The following PIP5K1B variants were observed in gnomAD, a reference collection of about 807,000 sequenced individuals.
PIP5K1B encodes the protein phosphatidylinositol 4-phosphate 5-kinase type-1 beta.
PIP5K1B carries 42 observed loss-of-function variants against 67.0 expected under a neutral mutation model. The ratio of observed to expected loss-of-function variants is 0.63; its 90% CI spans 0.49 to 0.81. The LOEUF (loss-of-function observed/expected upper bound fraction) is 0.81, where lower values mean the gene tolerates loss of function less well. Among genes scored for constraint, PIP5K1B ranks in the 30% least tolerant of loss-of-function variants. The probability of loss-of-function intolerance (pLI) is 0.00; values close to 1 mark genes in which losing one functional copy is unlikely to be tolerated. For missense variants in PIP5K1B, 459 were observed against 646.3 expected (o/e 0.71, Z 3.14); for synonymous variants, 214 against 231.4 (o/e 0.92, Z 0.68).
chr9:68,856,519 C>T (rs1288364553), intron 4 of PIP5K1B, among the ~76,000 whole-genome samples: 3 of 152,174 alleles, frequency 2.0e-5, no homozygotes, highest in African/African-American at 7.2e-5. Flanking sequence ...TGGGTCTCCG[C>T]CCTTCTGACC....
chr9:68,915,642 C>G (rs961054435), intron 8 of PIP5K1B, among the ~76,000 whole-genome samples: 3 of 152,120 alleles, frequency 2.0e-5, no homozygotes, highest in Admixed American at 6.5e-5. Flanking sequence ...GACATCACTC[C>G]TCCTTCCATT....
intron 5 of PIP5K1B, among the ~76,000 whole-genome samples, chr9:68,874,043 G>A (rs1013479715): frequency 6.6e-6 from 1 of 152,120 alleles, no homozygotes; most frequent in African/African-American, 2.4e-5. Context: ...TTCCATTCAC[G>A]CAAATACAGA....
intron 2 of PIP5K1B, among the ~76,000 whole-genome samples, chr9:68,777,079 G>T (rs531656363): frequency 8.5e-5 from 13 of 152,268 alleles, no homozygotes; most frequent in African/African-American, 3.1e-4. Flanking sequence ...GGGCTGGAGG[G>T]CACTCTAAAT....
At chr9:68,883,847 C>T (rs2132352004) in intron 6 of PIP5K1B, among the ~76,000 whole-genome samples, 1 of 152,198 alleles carries the variant, frequency 6.6e-6, no homozygotes, top group South Asian at 2.1e-4. Flanking sequence ...CACACACACA[C>T]ACACCCTATA....
intron 4 of PIP5K1B, among the ~76,000 whole-genome samples, chr9:68,845,388 G>A (rs1473315022): frequency 1.3e-5 from 2 of 152,268 alleles, no homozygotes; most frequent in East Asian, 1.9e-4. Context: ...CCGTGGAGCC[G>A]TGGGGGTTCT....
chr9:68,976,348 C>G (rs1292249282), intron 14 of PIP5K1B, among the ~76,000 whole-genome samples: 1 of 152,168 alleles, frequency 6.6e-6, no homozygotes, highest in African/African-American at 2.4e-5. Context: ...GGCTAAGAAT[C>G]AAAACTTTTG....
At chr9:68,834,169 A>G (rs1834470557) in intron 4 of PIP5K1B, among the ~76,000 whole-genome samples, 1 of 152,242 alleles carries the variant, frequency 6.6e-6, no homozygotes, top group Admixed American at 6.5e-5. Context: ...ATAGCGTGGC[A>G]TGTGAGTCCT....
intron 12 of PIP5K1B, among the ~76,000 whole-genome samples, chr9:68,924,185 T>G (rs1826557567): frequency 6.7e-6 from 1 of 150,202 alleles, no homozygotes; most frequent in Admixed American, 6.6e-5. Context: ...GCAGATCACT[T>G]GAAGTCAGGC....
intron 8 of PIP5K1B, among the ~76,000 whole-genome samples, chr9:68,912,734 T>C (rs753404908): frequency 2.0e-5 from 3 of 152,128 alleles, no homozygotes; most frequent in African/African-American, 7.2e-5. Flanking sequence ...GCAAGGAGAC[T>C]GAACCACCCT....
intron 1 of PIP5K1B, among the ~76,000 whole-genome samples, chr9:68,733,766 A>G (rs1828580859): frequency 6.6e-6 from 1 of 150,596 alleles, no homozygotes; most frequent in Non-Finnish European, 1.5e-5. Flanking sequence ...CAGCCACCCA[A>G]GTAGCTGGGA....
chr9:68,811,763 TC>T (rs1428710480), intron 2 of PIP5K1B, among the ~76,000 whole-genome samples: 1 of 152,208 alleles, frequency 6.6e-6, no homozygotes, highest in Non-Finnish European at 1.5e-5. Context: ...GTATTAAATA[TC>T]CCCTCTTTAA....
At chr9:68,968,697 T>TTATATATATATA (rs1308915569) in intron 14 of PIP5K1B, among the ~76,000 whole-genome samples, 1 of 147,924 alleles carries the variant, frequency 6.8e-6, no homozygotes, top group African/African-American at 2.5e-5. Context: ...GGATCCTTGT[T>TTATATATATATA]TATATATATA....
At chr9:69,006,394 A>AG (rs1475179426) in intron 15 of PIP5K1B, among the ~76,000 whole-genome samples, 1 of 152,014 alleles carries the variant, frequency 6.6e-6, no homozygotes, top group Non-Finnish European at 1.5e-5. Flanking sequence ...GAAAGAGTGG[A>AG]GGGGGTGCAG....
chr9:68,986,165 T>G (rs1254066472), intron 14 of PIP5K1B, among the ~76,000 whole-genome samples: 1 of 152,224 alleles, frequency 6.6e-6, no homozygotes, highest in Non-Finnish European at 1.5e-5. Flanking sequence ...ACCAAACAGT[T>G]TTCTGAAGTA....
intron 14 of PIP5K1B, among the ~76,000 whole-genome samples, chr9:68,979,527 TATATTTATA>T: frequency 3.3e-3 from 5 of 1,500 alleles, no homozygotes; most frequent in Admixed American, 0.011. Flanking sequence ...GAACCCTTTT[TATATTTATA>T]TCCTATCACA....
intron 15 of PIP5K1B, among the ~76,000 whole-genome samples, chr9:69,004,799 G>A (rs1367297101): frequency 6.6e-6 from 1 of 152,142 alleles, no homozygotes; most frequent in Non-Finnish European, 1.5e-5. Flanking sequence ...GAATTTGAAG[G>A]AAGGAAAATT....
intron 2 of PIP5K1B, among the ~76,000 whole-genome samples, chr9:68,809,093 G>A (rs1833023083): frequency 6.6e-6 from 1 of 152,070 alleles, no homozygotes; most frequent in South Asian, 2.1e-4. Context: ...GAGAGTTTAT[G>A]CAAATATTCT....
intron 2 of PIP5K1B, among the ~76,000 whole-genome samples, chr9:68,769,786 G>A (rs936817959): frequency 6.6e-6 from 1 of 152,136 alleles, no homozygotes; most frequent in Non-Finnish European, 1.5e-5. Flanking sequence ...GAACACTTCC[G>A]TGGCCTGTCA....
At chr9:68,917,493 A>G (rs773456164) in intron 8 of PIP5K1B, 55 bp from the exon 9 acceptor site, 64 of 1,243,516 alleles carry the variant, frequency 5.1e-5, no homozygotes, top group Non-Finnish European at 6.6e-5. Context: ...TAATGAGTAG[A>G]TGAGACGAAC....
Sources: allele counts gnomAD v4.1 joint callset (sites outside exome capture counted in the v4.1 genomes callset), GRCh38; gene constraint gnomAD v4.1.1; transcripts MANE v1.5; gene names NCBI Gene and HGNC (gene_info 2026-07-23, HGNC 2026-07-21).